Variants in SDK1 observed in about 807,000 individuals in gnomAD.
SDK1 encodes the protein sidekick cell adhesion molecule 1, also known as protein sidekick-1.
SDK1 carries 157 observed loss-of-function variants against 245.5 expected under a neutral mutation model. That is an observed-to-expected ratio of 0.64 (90% confidence interval 0.56 to 0.73). SDK1 has a LOEUF of 0.73. Ranked by LOEUF, SDK1 falls within the 30% of genes least tolerant of loss-of-function variation. The pLI is 0.00. For missense variants in SDK1, 3,583 were observed against 3,002.3 expected (o/e 1.19, Z -4.52); for synonymous variants, 1,647 against 1,278.5 (o/e 1.29, Z -6.15).
intron 22 of SDK1, among the ~76,000 whole-genome samples, chr7:4,080,100 G>C (rs1187049632): frequency 6.6e-6 from 1 of 152,186 alleles, no homozygotes; most frequent in African/African-American, 2.4e-5. Flanking sequence ...AAGACCTCCA[G>C]CTGTGGGAAA....
chr7:3,725,629 A>G (rs1190273849), intron 4 of SDK1, among the ~76,000 whole-genome samples: 1 of 152,174 alleles, frequency 6.6e-6, no homozygotes, highest in Non-Finnish European at 1.5e-5. Flanking sequence ...AGGAGCCCCA[A>G]GAACAGGGAG....
intron 1 of SDK1, among the ~76,000 whole-genome samples, chr7:3,468,298 T>C (rs1465377285): frequency 6.6e-6 from 1 of 152,168 alleles, no homozygotes; most frequent in Non-Finnish European, 1.5e-5. Flanking sequence ...TTAATATGAT[T>C]TTATTAACTG....
intron 1 of SDK1, among the ~76,000 whole-genome samples, chr7:3,315,372 T>G (rs1332181035): frequency 2.0e-5 from 3 of 150,458 alleles, no homozygotes; most frequent in East Asian, 3.9e-4. Context: ...GAAGTTAAGG[T>G]CACTCACTTC....
intron 35 of SDK1, among the ~76,000 whole-genome samples, chr7:4,197,145 A>G (rs1024824616): frequency 1.3e-5 from 2 of 152,148 alleles, no homozygotes; most frequent in African/African-American, 4.8e-5. Context: ...GCCAGGACAG[A>G]GACTGGTGGT....
At chr7:3,998,565 T>C (rs1323236298) in intron 14 of SDK1, among the ~76,000 whole-genome samples, 1 of 152,122 alleles carries the variant, frequency 6.6e-6, no homozygotes, top group African/African-American at 2.4e-5. Context: ...ATTCATGCAT[T>C]CCCAAGGCCC....
At chr7:3,701,591 C>T (rs763944646) in intron 4 of SDK1, among the ~76,000 whole-genome samples, 12 of 151,386 alleles carry the variant, frequency 7.9e-5, no homozygotes. Flanking sequence ...AGAGCGAGAC[C>T]CTGTCTCAAA....
At chr7:3,760,074 C>T (rs569320701) in intron 4 of SDK1, among the ~76,000 whole-genome samples, 1 of 151,652 alleles carries the variant, frequency 6.6e-6, no homozygotes, top group African/African-American at 2.4e-5. Context: ...ATTATCATAA[C>T]GTTGACTGTT....
At chr7:3,722,878 G>T (rs950288827) in intron 4 of SDK1, among the ~76,000 whole-genome samples, 1 of 152,140 alleles carries the variant, frequency 6.6e-6, no homozygotes, top group Non-Finnish European at 1.5e-5. Flanking sequence ...TCCTCTCTCA[G>T]GACATATGCT....
intron 5 of SDK1, among the ~76,000 whole-genome samples, chr7:3,901,636 A>T (rs1367915640): frequency 1.3e-5 from 2 of 152,178 alleles, no homozygotes; most frequent in Non-Finnish European, 2.9e-5. Context: ...TTTGTGAGTT[A>T]TCAATAATCT....
At chr7:3,417,114 C>T (rs913005677) in intron 1 of SDK1, among the ~76,000 whole-genome samples, 4 of 152,124 alleles carry the variant, frequency 2.6e-5, no homozygotes, top group African/African-American at 9.7e-5. Flanking sequence ...GTGGAGGTTG[C>T]AGGGAGCCGA....
intron 4 of SDK1, among the ~76,000 whole-genome samples, chr7:3,686,144 C>T (rs1031459071): frequency 1.3e-5 from 2 of 152,150 alleles, no homozygotes; most frequent in African/African-American, 2.4e-5. Flanking sequence ...GGCATGGTCT[C>T]GGCCCACTGC....
intron 4 of SDK1, among the ~76,000 whole-genome samples, chr7:3,659,536 G>T (rs1403188001): frequency 6.6e-6 from 1 of 152,180 alleles, no homozygotes; most frequent in African/African-American, 2.4e-5. Context: ...GGCCGAAAGG[G>T]GGCCTGTGTG....
At position 3,641,830 on chromosome 7, in the gene SDK1, GCT is replaced by G; in HGVS notation, c.566-126_566-125del. The G allele has an allele frequency of 1.6e-5, 12 of 763,650 alleles. No homozygotes were observed. The South Asian group carries it at 2.2e-4, about 14-fold the overall frequency. The allele number at this position is 763,650 out of a possible 1,614,324, so 47.3% of individuals were successfully genotyped here. On this transcript the variant is annotated intron_variant, in intron 3 of 44. Coordinates refer to ENST00000404826, the MANE Select transcript of SDK1 (RefSeq NM_152744.4). ...TTGGTCAGCGCTGCCGTGCAGTCTCGCTCGTCCTGGTGTGAAATGTGGCAGCA... is the reference window on the plus strand; with the variant it reads ...TTGGTCAGCGCTGCCGTGCAGTCTCGCGTCCTGGTGTGAAATGTGGCAGCA...
chr7:4,221,161 C>A (rs535805549), intron 39 of SDK1, 78 bp from the exon 40 acceptor site: 233 of 1,555,952 alleles, frequency 1.5e-4, no homozygotes, highest in Non-Finnish European at 1.9e-4. Context: ...TCTGACCCCC[C>A]ACTGTGAAAT....
chr7:4,191,570 C>T lies in SDK1; in HGVS notation c.5098+12984C>T, dbSNP rs576392678. Among the ~76,000 whole-genome samples the T allele has an allele frequency of 7.6e-4, 116 of 152,360 alleles. 3 individuals carry two copies. The highest frequency in any genetic ancestry group is 8.8e-5 in the Non-Finnish European group (6 of 68,034). ...CACTTGCTCAGCAACTTGCTGGCAC[C>T]GAAGGGAGCGAGAGAGCCCTGAGGT... On this transcript the variant is annotated intron_variant, in intron 35 of 44. Coordinates refer to ENST00000404826, the MANE Select transcript of SDK1 (RefSeq NM_152744.4).
intron 1 of SDK1, among the ~76,000 whole-genome samples, chr7:3,416,264 C>G (rs1583825091): frequency 6.6e-6 from 1 of 152,066 alleles, no homozygotes; most frequent in African/African-American, 2.4e-5. Context: ...AGTCATATTA[C>G]TAAAAGTTTT....
chr7:3,925,824 A>G (rs779653208), intron 5 of SDK1, among the ~76,000 whole-genome samples: 8 of 152,190 alleles, frequency 5.3e-5, no homozygotes, highest in African/African-American at 1.9e-4. Context: ...CACCATGCTG[A>G]AAAACATAGG....
At chr7:3,600,550 A>AT (rs1781220567) in intron 1 of SDK1, among the ~76,000 whole-genome samples, 1 of 111,962 alleles carries the variant, frequency 8.9e-6, no homozygotes, top group African/African-American at 3.1e-5. Flanking sequence ...TATTAGATGT[A>AT]GTTTTTTTTT....
chr7:3,780,568 A>C (rs996455142), intron 4 of SDK1, among the ~76,000 whole-genome samples: 1 of 152,222 alleles, frequency 6.6e-6, no homozygotes, highest in Non-Finnish European at 1.5e-5. Context: ...CTGAGTTCCT[A>C]GAATGCTATT....
Sources: allele counts gnomAD v4.1 joint callset (sites outside exome capture counted in the v4.1 genomes callset), GRCh38; gene constraint gnomAD v4.1.1; transcripts MANE v1.5; gene names NCBI Gene and HGNC (gene_info 2026-07-23, HGNC 2026-07-21).